The following PTPRD variants were observed in gnomAD, a reference collection of about 807,000 sequenced individuals.
PTPRD encodes the protein receptor-type tyrosine-protein phosphatase delta.
A neutral mutation model predicts 214.5 loss-of-function variants in PTPRD; 34 were observed. The ratio of observed to expected loss-of-function variants is 0.16; its 90% confidence interval spans 0.12 to 0.21. PTPRD has a LOEUF of 0.21. Among genes scored for constraint, PTPRD ranks in the 10% least tolerant of loss-of-function variants. PTPRD has a pLI of 1.00. For missense variants in PTPRD, 2,545 were observed against 2,398.7 expected, an observed-to-expected ratio of 1.06 and a Z score of -1.27; for synonymous variants, 1,128 against 845.7, an observed-to-expected ratio of 1.33 and a Z score of -5.79.
Position 10,422,626 on chromosome 9 carries a change from C to T in PTPRD, c.-599-81609G>A, listed in dbSNP as rs62538377. 3.3e-5 allele frequency among the ~76,000 whole-genome samples: 5 copies of T among 152,078 alleles called. No homozygotes were observed. In the South Asian group the frequency reaches 1.0e-3, roughly 32 times the overall value. On this transcript the variant is annotated intron_variant, in intron 2 of 45. Transcript: ENST00000381196. ...TTACAAGAAAAAAAACAAACAACCC[C>T]ATCAAAGAATGGGCAAAGGATATGA...
intron 2 of PTPRD, among the ~76,000 whole-genome samples, chr9:10,445,213 C>G (rs2154524584): frequency 6.6e-6 from 1 of 152,170 alleles, no homozygotes; most frequent in South Asian, 2.1e-4. Context: ...GTGGTATGAG[C>G]TAAGCCCACA....
At chr9:10,031,681 C>CACACACACACACACAT (rs1555495089) in intron 4 of PTPRD, among the ~76,000 whole-genome samples, 6 of 133,892 alleles carry the variant, frequency 4.5e-5, no homozygotes, top group African/African-American at 1.6e-4. Flanking sequence ...CACACACACA[C>CACACACACACACACAT]ATATCCTATT....
Position 10,532,561 on chromosome 9 carries a change from C to CTA in PTPRD, c.-600+79835_-600+79836dup, listed in dbSNP as rs538175598. ...TGAATGTGGTTGTGCTGTAAAAGTC[C>CTA]TATATATATACACTATATATATATT... On this transcript the variant is annotated intron_variant, in intron 2 of 45. Coordinates refer to ENST00000381196, the MANE Select transcript of PTPRD (RefSeq NM_002839.4). The CTA allele has an allele frequency of 7.7e-4, 113 of 147,364 alleles. 4 individuals are homozygous for CTA. In the South Asian group the frequency reaches 0.016, roughly 21 times the overall value. 9.1% of individuals were successfully genotyped at this position (147,364 alleles called of 1,614,324 possible).
intron 8 of PTPRD, among the ~76,000 whole-genome samples, chr9:9,413,891 T>C (rs962749019): frequency 4.9e-4 from 75 of 152,240 alleles, no homozygotes; most frequent in African/African-American, 1.8e-3. Context: ...GCCCTTTACA[T>C]GTAATACATA....
intron 9 of PTPRD, among the ~76,000 whole-genome samples, chr9:9,390,471 C>A (rs962631099): frequency 6.6e-6 from 1 of 151,778 alleles, no homozygotes; most frequent in Admixed American, 6.6e-5. Flanking sequence ...TTCTCCAGGC[C>A]CTCTGAACAG....
At chr9:10,229,701 G>T (rs1368944006) in intron 3 of PTPRD, among the ~76,000 whole-genome samples, 1 of 148,812 alleles carries the variant, frequency 6.7e-6, no homozygotes, top group South Asian at 2.2e-4. Context: ...GGGGATGGTT[G>T]TGGGGTGGGG....
chr9:9,875,149 C>A (rs973491603), intron 5 of PTPRD, among the ~76,000 whole-genome samples: 1 of 151,794 alleles, frequency 6.6e-6, no homozygotes, highest in Non-Finnish European at 1.5e-5. Context: ...GTCAGTTTAC[C>A]CCAATGTTCT....
intron 39 of PTPRD, among the ~76,000 whole-genome samples, chr9:8,370,569 T>C (rs1260880288): frequency 6.6e-6 from 1 of 152,100 alleles, no homozygotes; most frequent in East Asian, 1.9e-4. Flanking sequence ...TATGTTCCAG[T>C]GATTAAAGAA....
At chr9:9,376,789 A>G (rs1168948699) in intron 9 of PTPRD, among the ~76,000 whole-genome samples, 3 of 152,152 alleles carry the variant, frequency 2.0e-5, no homozygotes, top group Non-Finnish European at 4.4e-5. Flanking sequence ...CTCAGGATGA[A>G]AAAAGAAAGG....
chr9:9,406,011 A>C (rs2141628278), intron 8 of PTPRD, among the ~76,000 whole-genome samples: 1 of 152,128 alleles, frequency 6.6e-6, no homozygotes, highest in Admixed American at 6.6e-5. Context: ...CTGTGCATTA[A>C]AAATGTATTA....
chr9:9,577,930 C>T (rs544879258), intron 7 of PTPRD, among the ~76,000 whole-genome samples: 17 of 149,872 alleles, frequency 1.1e-4, no homozygotes, highest in Middle Eastern at 7.1e-3. Flanking sequence ...CCTGTAGTCC[C>T]AGGTACTTGG....
chr9:8,488,821 G>C (rs1490344176), intron 27 of PTPRD, among the ~76,000 whole-genome samples: 1 of 152,144 alleles, frequency 6.6e-6, no homozygotes, highest in South Asian at 2.1e-4. Flanking sequence ...TGGTGAAATA[G>C]AGCTTTCAAC....
intron 10 of PTPRD, among the ~76,000 whole-genome samples, chr9:9,140,979 T>C (rs2099859391): frequency 6.6e-6 from 1 of 152,150 alleles, no homozygotes; most frequent in Admixed American, 6.5e-5. Flanking sequence ...TTAGATTCGG[T>C]CATATGATTG....
chr9:10,078,388 C>T (rs1222148829), intron 3 of PTPRD, among the ~76,000 whole-genome samples: 1 of 150,516 alleles, frequency 6.6e-6, no homozygotes, highest in Non-Finnish European at 1.5e-5. Flanking sequence ...TGGTGGTGTG[C>T]CCCTATAATC....
intron 10 of PTPRD, among the ~76,000 whole-genome samples, chr9:9,030,948 C>G (rs1042196321): frequency 1.3e-5 from 2 of 151,856 alleles, no homozygotes; most frequent in African/African-American, 4.8e-5. Flanking sequence ...TGATTCATCT[C>G]TCAGTGGAAT....
intron 8 of PTPRD, among the ~76,000 whole-genome samples, chr9:9,543,006 T>C (rs551217156): frequency 1.3e-5 from 2 of 151,782 alleles, no homozygotes; most frequent in East Asian, 3.9e-4. Context: ...TGAAAACGTA[T>C]GTCCACAAAA....
chr9:8,954,701 C>G (rs2099122112), intron 11 of PTPRD, among the ~76,000 whole-genome samples: 1 of 151,734 alleles, frequency 6.6e-6, no homozygotes. Flanking sequence ...GTCCCTGGGT[C>G]CAGTTTTGAT....
At chr9:10,504,979 C>T (rs2045413010) in intron 2 of PTPRD, among the ~76,000 whole-genome samples, 1 of 152,154 alleles carries the variant, frequency 6.6e-6, no homozygotes, top group Non-Finnish European at 1.5e-5. Context: ...GCTCTACATA[C>T]ATATCAAGCA....
intron 3 of PTPRD, among the ~76,000 whole-genome samples, chr9:10,248,507 A>G (rs1564777932): frequency 1.6e-5 from 1 of 61,850 alleles, no homozygotes; most frequent in Non-Finnish European, 3.8e-5. Context: ...AAGGGTACAT[A>G]TAGCAAAAAA....
Sources: allele counts gnomAD v4.1 joint callset (sites outside exome capture counted in the v4.1 genomes callset), GRCh38; gene constraint gnomAD v4.1.1; transcripts MANE v1.5; gene names NCBI Gene and HGNC (gene_info 2026-07-23, HGNC 2026-07-21).